The following CC2D2A variants were observed in gnomAD, a reference collection of about 807,000 sequenced individuals.
CC2D2A encodes the protein coiled-coil and C2 domain-containing protein 2A.
Under a neutral mutation model 212.9 loss-of-function variants are expected in CC2D2A, and 155 were observed. The observed-to-expected ratio is 0.73, with a 90% CI of 0.64 to 0.83. CC2D2A has a LOEUF of 0.83. Ranked by LOEUF, CC2D2A falls within the 40% of genes least tolerant of loss-of-function variation. The pLI is 0.00. For missense variants in CC2D2A, 1,856 were observed against 1,956.2 expected (o/e 0.95, Z 0.97); for synonymous variants, 667 against 686.5 (o/e 0.97, Z 0.44).
chr4:15,559,316 G>A, intron 22 of CC2D2A, 59 bp downstream of exon 22: 1 of 1,097,148 alleles, frequency 9.1e-7, no homozygotes, highest in East Asian at 2.6e-5. Context: ...ACCCTAAGGT[G>A]GAAAGTCCTC....
intron 11 of CC2D2A, chr4:15,519,780 G>C (rs73235032): frequency 1.1e-5 from 4 of 357,320 alleles, no homozygotes; most frequent in Admixed American, 3.1e-5. Context: ...TAAGAACGGC[G>C]CAGGAAAGAC....
intron 29 of CC2D2A, among the ~76,000 whole-genome samples, chr4:15,579,652 A>G (rs1720566363): frequency 6.6e-6 from 1 of 152,244 alleles, no homozygotes; most frequent in South Asian, 2.1e-4. Flanking sequence ...GCCTAATTCT[A>G]GCCTCATCAA....
At chr4:15,582,504 TA>T (rs966731694) in intron 30 of CC2D2A, among the ~76,000 whole-genome samples, 1 of 151,652 alleles carries the variant, frequency 6.6e-6, no homozygotes, top group Non-Finnish European at 1.5e-5. Flanking sequence ...AAATCAGAAA[TA>T]AAAAAGGAGA....
At chr4:15,518,601 G>C (rs1717018199) in intron 11 of CC2D2A, among the ~76,000 whole-genome samples, 1 of 152,246 alleles carries the variant, frequency 6.6e-6, no homozygotes, top group Admixed American at 6.5e-5. Context: ...CCTAGCAGAG[G>C]TTCTCCATGA....
At chr4:15,531,342 C>G (rs73237154) in intron 13 of CC2D2A, among the ~76,000 whole-genome samples, 14,702 of 152,294 alleles carry the variant, frequency 0.097, 829 homozygotes, top group Non-Finnish European at 0.12. Flanking sequence ...ACACCACCCT[C>G]TCCTGGGTGT....
chr4:15,545,779 T>C (rs146110763), intron 17 of CC2D2A, among the ~76,000 whole-genome samples: 9 of 152,124 alleles, frequency 5.9e-5, no homozygotes, highest in Non-Finnish European at 1.0e-4. Flanking sequence ...TCCACAGAGC[T>C]TGATGACAGT....
chr4:15,489,209 A>C (rs1171941558), intron 4 of CC2D2A, among the ~76,000 whole-genome samples: 2 of 152,238 alleles, frequency 1.3e-5, no homozygotes, highest in African/African-American at 2.4e-5. Context: ...AAAGGAAATA[A>C]AGTGTTTATT....
intron 11 of CC2D2A, among the ~76,000 whole-genome samples, chr4:15,522,221 G>GCATACATA (rs1017164990): frequency 2.6e-5 from 4 of 152,070 alleles, no homozygotes; most frequent in Non-Finnish European, 4.4e-5. Flanking sequence ...ATGCATACAT[G>GCATACATA]CATACATACA....
chr4:15,491,703 C>G (rs138145388), intron 4 of CC2D2A, among the ~76,000 whole-genome samples: 207 of 152,288 alleles, frequency 1.4e-3, no homozygotes, highest in Non-Finnish European at 2.2e-3. Context: ...CCGCACCCAG[C>G]TATTTACATT....
chr4:15,521,192 C>T (rs16892112), intron 11 of CC2D2A, among the ~76,000 whole-genome samples: 6,387 of 152,178 alleles, frequency 0.042, 472 homozygotes, highest in East Asian at 0.25. Flanking sequence ...ATGTCTTAGA[C>T]TGCACAAGAA....
At chr4:15,554,904 A>C (rs544314590) in intron 19 of CC2D2A, among the ~76,000 whole-genome samples, 168 bp from the exon 20 acceptor site, 1 of 152,340 alleles carries the variant, frequency 6.6e-6, no homozygotes, top group African/African-American at 2.4e-5. Flanking sequence ...CCTTATGTTT[A>C]ATAGCCATCA....
At chr4:15,579,034 T>G (rs977095527) in intron 29 of CC2D2A, among the ~76,000 whole-genome samples, 1 of 152,174 alleles carries the variant, frequency 6.6e-6, no homozygotes, top group African/African-American at 2.4e-5. Context: ...CAAAAAAAAT[T>G]TAAAAATATT....
intron 24 of CC2D2A, chr4:15,563,807 T>C (rs1252994198): frequency 6.0e-6 from 2 of 332,612 alleles, no homozygotes; most frequent in Non-Finnish European, 1.1e-5. Context: ...TGAGGCCCCG[T>C]GGTCTCTCAC....
At chr4:15,570,271 T>C (rs1720095547) in intron 27 of CC2D2A, 127 bp from the exon 28 acceptor site, 1 of 523,538 alleles carries the variant, frequency 1.9e-6, no homozygotes, top group East Asian at 3.0e-5. Context: ...GTACCAGAAT[T>C]TGATTAGGTC....
intron 13 of CC2D2A, among the ~76,000 whole-genome samples, chr4:15,529,499 T>TG (rs1487652616): frequency 6.6e-6 from 1 of 152,192 alleles, no homozygotes; most frequent in Non-Finnish European, 1.5e-5. Context: ...GACTCATATC[T>TG]GCAGGTATCA....
chr4:15,502,753 T>C, intron 5 of CC2D2A, 69 bp from the exon 6 acceptor site: 4 of 1,323,554 alleles, frequency 3.0e-6, no homozygotes, highest in Non-Finnish European at 3.2e-6. Context: ...GGATAGCATG[T>C]ATTTTTTACT....
intron 26 of CC2D2A, 102 bp downstream of exon 26, chr4:15,567,888 T>A: frequency 1.3e-6 from 1 of 791,188 alleles, no homozygotes; most frequent in South Asian, 1.8e-5. Flanking sequence ...TTGTAGCTAG[T>A]GAGCGGCAAC....
intron 4 of CC2D2A, among the ~76,000 whole-genome samples, chr4:15,488,474 T>G (rs1363794365): frequency 6.6e-6 from 1 of 152,256 alleles, no homozygotes; most frequent in Non-Finnish European, 1.5e-5. Flanking sequence ...TATTTGTTTC[T>G]TTTCTTTTGC....
chr4:15,529,381 CA>C (rs200728529), intron 13 of CC2D2A, among the ~76,000 whole-genome samples: 402 of 122,024 alleles, frequency 3.3e-3, no homozygotes, highest in Middle Eastern at 4.2e-3. Context: ...GACCTTGACT[CA>C]AAAAAAAAAA....
Sources: gnomAD v4.1 joint callset for allele counts (sites outside exome capture counted in the v4.1 genomes callset) on GRCh38, gnomAD v4.1.1 for gene constraint, MANE v1.5 for transcripts, NCBI Gene and HGNC (gene_info 2026-07-23, HGNC 2026-07-21) for gene names.